The following EIF3E variants were observed in gnomAD, a reference collection of about 807,000 sequenced individuals.
EIF3E encodes the protein eIF-3 p48.
In EIF3E, 25 loss-of-function variants were observed where a neutral mutation model predicts 59.3. The observed-to-expected ratio is 0.42, with a 90% CI of 0.31 to 0.59. The LOEUF (loss-of-function observed/expected upper bound fraction) is 0.59, where lower values mean the gene tolerates loss of function less well. Among genes scored for constraint, EIF3E ranks in the 20% least tolerant of loss-of-function variants. The pLI, the probability that EIF3E is intolerant of heterozygous loss-of-function variation, is 0.15. For synonymous variants in EIF3E, 176 were observed against 170.2 expected (o/e 1.03, Z -0.26); for missense variants, 317 against 534.3 (o/e 0.59, Z 4.01).
At chr8:108,242,335 TG>T in intron 1 of EIF3E, 2 of 1,289,630 alleles carry the variant, frequency 1.6e-6, no homozygotes, top group Non-Finnish European at 2.0e-6. Flanking sequence ...CCATCCACAT[TG>T]CTGAAACAAC....
chr8:108,248,151 T>A (rs1815984242), intron 1 of EIF3E, among the ~76,000 whole-genome samples: 1 of 152,156 alleles, frequency 6.6e-6, no homozygotes, highest in Non-Finnish European at 1.5e-5. Context: ...GCTAGATACT[T>A]ATTTTAAGTG....
chr8:108,246,402 C>T (rs753243881), intron 1 of EIF3E, among the ~76,000 whole-genome samples: 4 of 151,970 alleles, frequency 2.6e-5, no homozygotes, highest in Non-Finnish European at 4.4e-5. Context: ...CTGAAGATAA[C>T]AAAATCTCAA....
chr8:108,211,467 A>C (rs1360397843), intron 10 of EIF3E, among the ~76,000 whole-genome samples: 1 of 151,996 alleles, frequency 6.6e-6, no homozygotes, highest in African/African-American at 2.4e-5. Context: ...AAATTTGTTT[A>C]GGTACTTTGT....
chr8:108,209,128 TATA>T (rs1464879169), intron 10 of EIF3E, among the ~76,000 whole-genome samples: 1 of 152,116 alleles, frequency 6.6e-6, no homozygotes, highest in African/African-American at 2.4e-5. Flanking sequence ...TTATGGGTTT[TATA>T]ATACTATTTT....
At chr8:108,227,752 G>A (rs2129893682) in intron 7 of EIF3E, 1 of 152,326 alleles carries the variant, frequency 6.6e-6, no homozygotes, top group East Asian at 1.9e-4. Context: ...AGGTATTTGA[G>A]TTCCACTGGA....
chr8:108,211,173 C>T (rs1815202313), intron 10 of EIF3E, among the ~76,000 whole-genome samples: 1 of 152,200 alleles, frequency 6.6e-6, no homozygotes, highest in Non-Finnish European at 1.5e-5. Context: ...AATCACCACA[C>T]TGTCTTCCAC....
At chr8:108,232,676 G>T (rs757010074) in intron 5 of EIF3E, among the ~76,000 whole-genome samples, 1 of 152,156 alleles carries the variant, frequency 6.6e-6, no homozygotes, top group Non-Finnish European at 1.5e-5. Context: ...TTGTAGCAGT[G>T]TAGCAAGTTT....
rs1173234074 is a variant in EIF3E at position 108,201,786 on chromosome 8, A to T, written c.*99T>A. ...TTCCAATTCTTCAAAATTTATACGTAATATGTTGTTTCCAAAATGTAAGTC... is the reference window on the plus strand; with the variant it reads ...TTCCAATTCTTCAAAATTTATACGTTATATGTTGTTTCCAAAATGTAAGTC... On this transcript the variant is annotated 3_prime_UTR_variant, in exon 13 of 13. Coordinates refer to ENST00000220849, the MANE Select transcript of EIF3E (RefSeq NM_001568.3). The T allele has an allele frequency of 4.0e-6, 4 of 993,312 alleles. No homozygotes were observed. Among genetic ancestry groups the T allele is most frequent in the Non-Finnish European group, 4.1e-6 (3 of 729,980 alleles). 61.5% of individuals were successfully genotyped at this position (993,312 alleles called of 1,614,324 possible).
Position 108,201,250 on chromosome 8 carries a change from C to CTCATATATATATATATATATATAT in EIF3E, c.*634_*635insATATATATATATATATATATATGA, listed in dbSNP as rs1554597650. Reference sequence around the variant, plus strand: ...AATAAAAAAGGAATTAACTACTGATCATATATATATATATATCTATCTCTC... The same window carrying CTCATATATATATATATATATATAT: ...AATAAAAAAGGAATTAACTACTGATCTCATATATATATATATATATATATATATATATATATATATCTATCTCTC... On this transcript the variant is annotated 3_prime_UTR_variant, in exon 13 of 13. Transcript: ENST00000220849. 1 of 122,890 alleles carries CTCATATATATATATATATATATAT rather than the reference C, an allele frequency of 8.1e-6. No homozygotes were observed. Among genetic ancestry groups the CTCATATATATATATATATATATAT allele is most frequent in the Non-Finnish European group, 1.7e-5 (1 of 60,064 alleles). The allele number at this position is 122,890 out of a possible 1,614,324, so 7.6% of individuals were successfully genotyped here.
At chr8:108,221,806 GCACACA>G (rs71281606) in intron 7 of EIF3E, among the ~76,000 whole-genome samples, 2 of 149,826 alleles carry the variant, frequency 1.3e-5, no homozygotes. Flanking sequence ...ACACACACAC[GCACACA>G]CACACACACA....
chr8:108,218,318 C>G (rs746774551), intron 7 of EIF3E, among the ~76,000 whole-genome samples: 21 of 152,118 alleles, frequency 1.4e-4, no homozygotes, highest in Non-Finnish European at 2.6e-4. Context: ...ATTGGTCTCC[C>G]AAATACATAC....
At chr8:108,223,059 T>C (rs1815449125) in intron 7 of EIF3E, among the ~76,000 whole-genome samples, 1 of 152,198 alleles carries the variant, frequency 6.6e-6, no homozygotes, top group South Asian at 2.1e-4. Flanking sequence ...GTATCTACTA[T>C]GTGCTACAAG....
chr8:108,207,576 C>T (rs548776706), intron 10 of EIF3E, among the ~76,000 whole-genome samples: 1 of 152,116 alleles, frequency 6.6e-6, no homozygotes, highest in African/African-American at 2.4e-5. Flanking sequence ...ATATCTAGTC[C>T]AATCCAGATT....
In EIF3E at chr8:108,240,089, C is replaced by G. The variant is rs760923447; in HGVS notation, c.206-14G>C. On this transcript the variant is annotated splice_polypyrimidine_tract_variant and intron_variant, in intron 2 of 12. Transcript: ENST00000220849. Reference sequence around the variant, plus strand: ...TCTCTCTCAAAGCTAATTAAAAATGCAGAAGAGCACTACAATGTTAAGGAA... The same window carrying G: ...TCTCTCTCAAAGCTAATTAAAAATGGAGAAGAGCACTACAATGTTAAGGAA... 1.5e-5 allele frequency: 23 copies of G among 1,577,022 alleles called. No individual in the cohort carries two copies. The African/African-American group carries it at 2.8e-4, about 19-fold the overall frequency.
intron 4 of EIF3E, among the ~76,000 whole-genome samples, 189 bp from the exon 5 acceptor site, chr8:108,235,291 G>A (rs1030775262): frequency 3.9e-5 from 6 of 152,114 alleles, no homozygotes; most frequent in African/African-American, 1.4e-4. Context: ...GACTTTTATA[G>A]AACTGACCTC....
chr8:108,243,176 C>G (rs915219471), intron 1 of EIF3E: 1 of 152,172 alleles, frequency 6.6e-6, no homozygotes. Flanking sequence ...AACATGATGA[C>G]TCACAAACAA....
At chr8:108,207,756 T>C (rs1281497132) in intron 10 of EIF3E, among the ~76,000 whole-genome samples, 1 of 152,142 alleles carries the variant, frequency 6.6e-6, no homozygotes, top group Non-Finnish European at 1.5e-5. Context: ...ACATCGAATA[T>C]GTTAAATAAG....
At chr8:108,204,934 T>G (rs1471399136) in intron 10 of EIF3E, among the ~76,000 whole-genome samples, 1 of 152,082 alleles carries the variant, frequency 6.6e-6, no homozygotes, top group Non-Finnish European at 1.5e-5. Flanking sequence ...AGAGGGCCAT[T>G]GCAGAGCTTA....
intron 7 of EIF3E, chr8:108,227,549 G>C (rs1815538852): frequency 6.6e-6 from 1 of 152,056 alleles, no homozygotes; most frequent in Admixed American, 6.6e-5. Context: ...AATATGAATA[G>C]AAATTATCTA....
Sources: allele counts gnomAD v4.1 joint callset (sites outside exome capture counted in the v4.1 genomes callset), GRCh38; gene constraint gnomAD v4.1.1; transcripts MANE v1.5; gene names NCBI Gene and HGNC (gene_info 2026-07-23, HGNC 2026-07-21).